The following CSPP1 variants were observed in gnomAD, a reference collection of about 807,000 sequenced individuals.
CSPP1 encodes the protein centrosome and spindle pole-associated protein 1.
CSPP1 carries 126 observed loss-of-function variants against 164.4 expected under a neutral mutation model. That is an observed-to-expected ratio of 0.77 (90% CI 0.66 to 0.89). The LOEUF is 0.89. Among genes scored for constraint, CSPP1 ranks in the 40% least tolerant of loss-of-function variants. CSPP1 has a pLI of 0.00. For missense variants in CSPP1, 1,395 were observed against 1,449.8 expected, an observed-to-expected ratio of 0.96 and a Z score of 0.61; for synonymous variants, 472 against 476.7, an observed-to-expected ratio of 0.99 and a Z score of 0.13.
chr8:67,142,387 C>G (rs1823685281), intron 17 of CSPP1, among the ~76,000 whole-genome samples: 1 of 152,196 alleles, frequency 6.6e-6, no homozygotes, highest in South Asian at 2.1e-4. Flanking sequence ...CTCGTCCACC[C>G]ATGCCAATCT....
At chr8:67,108,925 T>C (rs929120527) in intron 9 of CSPP1, among the ~76,000 whole-genome samples, 3 of 152,224 alleles carry the variant, frequency 2.0e-5, no homozygotes, top group African/African-American at 4.8e-5. Flanking sequence ...CTTTGTATAG[T>C]CTGCTTTGAA....
At position 67,195,366 on chromosome 8, in the gene CSPP1, C is replaced by T. The variant is rs773828395; in HGVS notation, c.3470-16C>T. ...CACCTGTGTTACCTGAGCCACGTGT[C>T]CCTTGCCTCCTGTAGATGATGAGAG... On this transcript the variant is annotated splice_polypyrimidine_tract_variant and intron_variant, in intron 30 of 30. Coordinates refer to ENST00000678616, the MANE Select transcript of CSPP1 (RefSeq NM_001382391.1). 13 of 1,595,252 alleles carry T rather than the reference C, an allele frequency of 8.1e-6. No homozygotes were observed. The highest frequency in any genetic ancestry group is 1.0e-5 in the Non-Finnish European group (12 of 1,163,364).
At chr8:67,107,551 C>T (rs962055278) in intron 9 of CSPP1, among the ~76,000 whole-genome samples, 3 of 152,126 alleles carry the variant, frequency 2.0e-5, no homozygotes, top group African/African-American at 7.2e-5. Context: ...CTGTTAAAGT[C>T]ATTTAATTCA....
chr8:67,178,663 G>A (rs1222166283), intron 27 of CSPP1, among the ~76,000 whole-genome samples: 3 of 152,186 alleles, frequency 2.0e-5, no homozygotes, highest in Admixed American at 1.3e-4. Flanking sequence ...CATCAGGGAG[G>A]TGTCTATGGG....
At chr8:67,105,485 A>T (rs892688037) in intron 8 of CSPP1, among the ~76,000 whole-genome samples, 1 of 151,956 alleles carries the variant, frequency 6.6e-6, no homozygotes, top group African/African-American at 2.4e-5. Context: ...GTTTCAAGTG[A>T]TTCTCCTGTG....
chr8:67,157,042 A>G lies in CSPP1; in HGVS notation c.2242-1405A>G, dbSNP rs573002895. On this transcript the variant is annotated intron_variant, in intron 19 of 30. Coordinates refer to ENST00000678616, the MANE Select transcript of CSPP1 (RefSeq NM_001382391.1). ...AATTGGTATTCTTTGATTTTGATGG[A>G]AAAGTGACCCCTGTGAATGTGATTT... Among the ~76,000 whole-genome samples the G allele has an allele frequency of 7.9e-4, 121 of 152,244 alleles. 2 individuals are homozygous for G. The highest frequency in any genetic ancestry group is 1.4e-3 in the Non-Finnish European group (96 of 68,020).
At chr8:67,086,751 C>T (rs1810471112) in intron 4 of CSPP1, 1 of 773,144 alleles carries the variant, frequency 1.3e-6, no homozygotes. Flanking sequence ...GTCTCTTATT[C>T]TGATTTACAC....
intron 25 of CSPP1, among the ~76,000 whole-genome samples, chr8:67,173,149 AG>A (rs1830799738): frequency 6.6e-6 from 1 of 152,098 alleles, no homozygotes; most frequent in South Asian, 2.1e-4. Flanking sequence ...AGGGAAGGAG[AG>A]GGATCAGGAG....
chr8:67,093,648 T>A lies in CSPP1; in HGVS notation c.483+7T>A. On this transcript the variant is annotated splice_region_variant and intron_variant, in intron 6 of 30. Transcript: ENST00000678616. ...GGTGGAAAAGAGTACTGAGGTAGGTTTTGCTTTTGAATTAAATCTGTACTA... is the reference window on the plus strand; with the variant it reads ...GGTGGAAAAGAGTACTGAGGTAGGTATTGCTTTTGAATTAAATCTGTACTA... 1.9e-6 allele frequency: 3 copies of A among 1,562,596 alleles called. No homozygotes were observed. Among genetic ancestry groups the A allele is most frequent in the Non-Finnish European group, 2.6e-6 (3 of 1,136,280 alleles).
rs766939685 is a variant in CSPP1 at position 67,172,497 on chromosome 8, G to C, written c.2910G>C (p.Lys970Asn). Reference sequence around the variant, plus strand: ...CTCCTGTCAGAAGACAGTCCCCTAAGGGCTTAGACGCTGCCACTTTTCAGA... The same window carrying C: ...CTCCTGTCAGAAGACAGTCCCCTAACGGCTTAGACGCTGCCACTTTTCAGA... ...LQAPVRRQSP[K>N]GLDAATFQNV... Residue 970 changes from lysine to asparagine, a missense_variant, in exon 25 of 31, where the codon AAG (lysine) becomes AAC (asparagine). By Grantham distance (94) the Lys-to-Asn change is moderately conservative (BLOSUM62 0). Transcript: ENST00000678616. 4.3e-6 allele frequency: 7 copies of C among 1,613,540 alleles called. No homozygotes were observed. In the African/African-American group the frequency reaches 8.0e-5, roughly 18 times the overall value.
At chr8:67,068,056 C>G (rs918975319) in intron 1 of CSPP1, among the ~76,000 whole-genome samples, 2 of 152,080 alleles carry the variant, frequency 1.3e-5, no homozygotes, top group African/African-American at 4.8e-5. Flanking sequence ...GCTGTGTTAG[C>G]CAGACTGGTC....
chr8:67,180,284 G>A (rs964690823), intron 28 of CSPP1, among the ~76,000 whole-genome samples: 1 of 152,176 alleles, frequency 6.6e-6, no homozygotes, highest in Admixed American at 6.5e-5. Flanking sequence ...ACAAAGTTTT[G>A]AAACTTGGAT....
At chr8:67,131,844 T>C (rs1821295870) in intron 15 of CSPP1, 107 bp from the exon 16 acceptor site, 2 of 986,974 alleles carry the variant, frequency 2.0e-6, no homozygotes, top group Admixed American at 2.9e-5. Flanking sequence ...AATATCCTTC[T>C]GTATTTTTAA....
intron 12 of CSPP1, 144 bp from the exon 13 acceptor site, chr8:67,115,770 A>G (rs1817814952): frequency 1.8e-6 from 1 of 561,456 alleles, no homozygotes; most frequent in African/African-American, 1.9e-5. Context: ...ATAAAAATAG[A>G]TATTCAGAGT....
intron 15 of CSPP1, among the ~76,000 whole-genome samples, chr8:67,120,297 T>C (rs918298794): frequency 6.6e-6 from 1 of 152,168 alleles, no homozygotes; most frequent in African/African-American, 2.4e-5. Context: ...AATCAGAAAA[T>C]GTGAGTGCTA....
rs1483232787 is a variant in CSPP1 at position 67,196,443 on chromosome 8, G to GAGTC, written c.*852_*855dup. The stretch of plus-strand genomic sequence containing the variant: ...TAAGTGATACTTCTAAAAAAGGAAA[G>GAGTC]AGTCATTCAAATAATTGTGACATTC... On this transcript the variant is annotated 3_prime_UTR_variant, in exon 31 of 31. Transcript: ENST00000678616. Among the ~76,000 whole-genome samples, 3 of 151,860 alleles carry GAGTC rather than the reference G, an allele frequency of 2.0e-5. No individual in the cohort carries two copies. The highest frequency in any genetic ancestry group is 7.3e-5 in the African/African-American group (3 of 41,134).
intron 19 of CSPP1, 69 bp from the exon 20 acceptor site, chr8:67,158,378 G>GA (rs1008168550): frequency 2.8e-6 from 4 of 1,431,932 alleles, no homozygotes; most frequent in East Asian, 2.5e-5. Context: ...ATACTATCAG[G>GA]AAAAAAATAA....
intron 3 of CSPP1, among the ~76,000 whole-genome samples, chr8:67,080,116 T>C (rs1048575777): frequency 2.0e-5 from 3 of 152,232 alleles, no homozygotes; most frequent in African/African-American, 7.2e-5. Flanking sequence ...ATACATAGTT[T>C]CTCACACTGG....
intron 7 of CSPP1, among the ~76,000 whole-genome samples, chr8:67,096,851 C>T (rs901754150): frequency 6.6e-6 from 1 of 151,642 alleles, no homozygotes; most frequent in Non-Finnish European, 1.5e-5. Context: ...GGCGACAGAG[C>T]GAGACTCTGT....
Sources: gnomAD v4.1 joint callset for allele counts (sites outside exome capture counted in the v4.1 genomes callset) on GRCh38, gnomAD v4.1.1 for gene constraint, MANE v1.5 for transcripts, NCBI Gene and HGNC (gene_info 2026-07-23, HGNC 2026-07-21) for gene names.